DRGX: variants seen among roughly 807,000 people sequenced by gnomAD.
DRGX encodes the protein dorsal root ganglia homeobox.
In DRGX, 21 loss-of-function variants were observed where a neutral mutation model predicts 28.6. The ratio of observed to expected loss-of-function variants is 0.73; its 90% CI spans 0.52 to 1.06. The LOEUF (loss-of-function observed/expected upper bound fraction) is 1.06. DRGX is among the 50% of genes least tolerant of loss of function. The pLI is 0.00. For synonymous variants in DRGX, 136 were observed against 139.1 expected, an observed-to-expected ratio of 0.98 and a Z score of 0.16; for missense variants, 354 against 343.9, an observed-to-expected ratio of 1.03 and a Z score of -0.23.
chr10:49,375,886 T>C (rs1175739931), intron 6 of DRGX, among the ~76,000 whole-genome samples: 2 of 152,134 alleles, frequency 1.3e-5, no homozygotes, highest in African/African-American at 4.8e-5. Flanking sequence ...GGCAGGCTGC[T>C]TCTCCTGCTG....
At chr10:49,388,008 G>T (rs1290067135) in intron 4 of DRGX, among the ~76,000 whole-genome samples, 2 of 152,162 alleles carry the variant, frequency 1.3e-5, no homozygotes, top group Non-Finnish European at 2.9e-5. Flanking sequence ...CGAGCACAGG[G>T]CCTGATGCAT....
In DRGX at chr10:49,395,487, A is replaced by C. The variant is rs767815438; in HGVS notation, c.-47T>G. ...GACGGCCGAGACCTGGGAGGGTGGC[A>C]GCAGAACGGACCCGCGCGCGTTGCT... is the stretch of plus-strand genomic sequence containing the variant. On this transcript the variant is annotated 5_prime_UTR_variant, in exon 2 of 7. Coordinates refer to ENST00000374139, the MANE Select transcript of DRGX (RefSeq NM_001276451.2). 3 of 1,547,516 alleles carry C rather than the reference A, an allele frequency of 1.9e-6. No homozygotes were observed. The highest frequency in any genetic ancestry group is 1.7e-6 in the Non-Finnish European group (2 of 1,145,502).
At chr10:49,376,758 T>C (rs1406900778) in intron 6 of DRGX, among the ~76,000 whole-genome samples, 1 of 152,164 alleles carries the variant, frequency 6.6e-6, no homozygotes, top group African/African-American at 2.4e-5. Context: ...CTTCCCGGTG[T>C]TCATGTTTCT....
chr10:49,376,166 C>A (rs1398610287), intron 6 of DRGX, among the ~76,000 whole-genome samples: 1 of 152,138 alleles, frequency 6.6e-6, no homozygotes, highest in Admixed American at 6.5e-5. Flanking sequence ...TATCTCTTCT[C>A]CAGGCCTCAG....
intron 4 of DRGX, among the ~76,000 whole-genome samples, chr10:49,387,442 T>G (rs941344925): frequency 1.3e-5 from 2 of 152,116 alleles, no homozygotes; most frequent in African/African-American, 4.8e-5. Flanking sequence ...GCGGATCACT[T>G]GAGGTTGGGA....
At position 49,395,429 on chromosome 10, in the gene DRGX, G is replaced by A. The variant is rs1472148972; in HGVS notation, c.12C>T (p.Phe4=). ...TACCCTCTAGCTGTGGCGGGCAGTGGAAATAAAACATCGCCGGCTGTCAGA... is the reference window on the plus strand; with the variant it reads ...TACCCTCTAGCTGTGGCGGGCAGTGAAAATAAAACATCGCCGGCTGTCAGA... MFY[F]HCPPQLEGTA... is the part of the protein sequence containing the mutation. The change falls in exon 2 of 7, where the codon TTC becomes TTT. Residue 4 remains phenylalanine (F), a synonymous_variant. Transcript: ENST00000374139. 1.3e-6 allele frequency: 2 copies of A among 1,550,352 alleles called. No homozygotes were observed. Among genetic ancestry groups the A allele is most frequent in the Admixed American group, 2.0e-5 (1 of 51,004 alleles).
At chr10:49,374,241 A>C (rs1273727584) in intron 6 of DRGX, among the ~76,000 whole-genome samples, 1 of 152,212 alleles carries the variant, frequency 6.6e-6, no homozygotes, top group Non-Finnish European at 1.5e-5. Flanking sequence ...AAAGGGATAA[A>C]GACCGTGTCT....
chr10:49,395,211 G>C (rs1442666076), intron 2 of DRGX, among the ~76,000 whole-genome samples, 196 bp downstream of exon 2: 1 of 152,178 alleles, frequency 6.6e-6, no homozygotes, highest in Non-Finnish European at 1.5e-5. Context: ...CTGGGAGGCA[G>C]GTGGCGACGG....
chr10:49,383,974 A>G (rs1849804934), intron 6 of DRGX, among the ~76,000 whole-genome samples: 1 of 152,256 alleles, frequency 6.6e-6, no homozygotes, highest in South Asian at 2.1e-4. Flanking sequence ...AAATGCAGCA[A>G]TTCTGGCAAC....
chr10:49,371,508 T>A (rs568024305), intron 6 of DRGX, among the ~76,000 whole-genome samples: 1 of 151,488 alleles, frequency 6.6e-6, no homozygotes, highest in African/African-American at 2.4e-5. Flanking sequence ...ACAAAAAAAA[T>A]TAGCCAGGTG....
chr10:49,387,623 A>C (rs1199903641), intron 4 of DRGX, among the ~76,000 whole-genome samples: 1 of 150,408 alleles, frequency 6.6e-6, no homozygotes, highest in East Asian at 1.9e-4. Flanking sequence ...AGATCATGCC[A>C]CTGCACTCCA....
chr10:49,382,089 G>A (rs1446841863), intron 6 of DRGX, among the ~76,000 whole-genome samples: 1 of 152,070 alleles, frequency 6.6e-6, no homozygotes, highest in Non-Finnish European at 1.5e-5. Context: ...ATTTATGACT[G>A]TCACTACTTG....
chr10:49,381,972 G>C (rs1384136351), intron 6 of DRGX, among the ~76,000 whole-genome samples: 1 of 152,132 alleles, frequency 6.6e-6, no homozygotes, highest in Non-Finnish European at 1.5e-5. Context: ...GCTGCCACGG[G>C]CTTGGAGAAG....
chr10:49,390,303 C>T (rs1313117632), intron 3 of DRGX, 69 bp from the exon 4 acceptor site: 7 of 1,350,676 alleles, frequency 5.2e-6, no homozygotes, highest in Non-Finnish European at 7.2e-6. Flanking sequence ...ATGCATATTT[C>T]AAATCTCCTG....
At chr10:49,391,313 A>G (rs748198935) in intron 2 of DRGX, 52 bp from the exon 3 acceptor site, 1 of 1,501,412 alleles carries the variant, frequency 6.7e-7, no homozygotes, top group Non-Finnish European at 9.2e-7. Flanking sequence ...CAGTCCTCAG[A>G]CCGCCCCCAG....
Position 49,366,008 on chromosome 10 carries a change from C to A in DRGX, c.*108G>T. ...TGCCCGTCCTGGGTCCATGCAGAGG[C>A]CCTGGGGCCGCAGGCTTCTCCTTGC... is the stretch of plus-strand genomic sequence containing the variant. On this transcript the variant is annotated 3_prime_UTR_variant, in exon 7 of 7. Transcript: ENST00000374139. The A allele has an allele frequency of 2.2e-6, 3 of 1,367,362 alleles. No homozygotes were observed. The highest frequency in any genetic ancestry group is 1.9e-6 in the Non-Finnish European group (2 of 1,038,340). 84.7% of individuals were successfully genotyped at this position (1,367,362 alleles called of 1,614,324 possible). A position where few individuals can be genotyped will look rare whatever the true frequency, so the allele number is the denominator to read the frequency against.
intron 2 of DRGX, among the ~76,000 whole-genome samples, chr10:49,393,115 C>T (rs1041152187): frequency 3.3e-5 from 5 of 151,978 alleles, no homozygotes; most frequent in South Asian, 2.1e-4. Flanking sequence ...TCTGGAAATA[C>T]TGTAGTTGAA....
At chr10:49,393,046 C>T (rs7923438) in intron 2 of DRGX, among the ~76,000 whole-genome samples, 359 of 151,646 alleles carry the variant, frequency 2.4e-3, no homozygotes, top group African/African-American at 8.3e-3. Flanking sequence ...AGTACACATA[C>T]AGGTATTTAA....
At chr10:49,391,129 T>C (rs367927990) in intron 3 of DRGX, 35 bp downstream of exon 3, 1 of 1,603,962 alleles carries the variant, frequency 6.2e-7, no homozygotes, top group Non-Finnish European at 8.5e-7. Context: ...AGGTAGGAAG[T>C]AGCTGATGTT....
Sources: gnomAD v4.1 joint callset for allele counts (sites outside exome capture counted in the v4.1 genomes callset) on GRCh38, gnomAD v4.1.1 for gene constraint, MANE v1.5 for transcripts, NCBI Gene and HGNC (gene_info 2026-07-23, HGNC 2026-07-21) for gene names.